The following PDE4A variants were observed in gnomAD, a reference collection of about 807,000 sequenced individuals.
PDE4A encodes phosphodiesterase 4A.
A neutral mutation model predicts 73.9 loss-of-function variants in PDE4A; 21 were observed. The observed-to-expected ratio is 0.28, with a 90% CI of 0.20 to 0.41. PDE4A has a LOEUF of 0.41. PDE4A is among the 10% of genes least tolerant of loss of function. The pLI is 1.00. For missense variants in PDE4A, 958 were observed against 1,211.4 expected, an observed-to-expected ratio of 0.79 and a Z score of 3.10; for synonymous variants, 463 against 505.4, an observed-to-expected ratio of 0.92 and a Z score of 1.13.
chr19:10,432,438 C>A lies in PDE4A; in HGVS notation c.320+11354C>A, dbSNP rs935011757. On this transcript the variant is annotated intron_variant, in intron 1 of 14. Coordinates refer to ENST00000380702, the MANE Select transcript of PDE4A (RefSeq NM_001111307.2). The stretch of plus-strand genomic sequence containing the variant: ...CCGACGACGGCGCTTGGCTCCCATG[C>A]GCTCCGGTGCAGCGCCCCGGGCCCG... 4.1e-6 allele frequency: 6 copies of A among 1,457,330 alleles called. 1 individual carries two copies. The highest frequency in any genetic ancestry group is 5.4e-6 in the Non-Finnish European group (6 of 1,107,044). The allele number at this position is 1,457,330 out of a possible 1,614,324, so 90.3% of individuals were successfully genotyped here.
Position 10,461,098 on chromosome 19 carries a change from A to C in PDE4A, c.1460A>C (p.Asn487Thr). The C allele has an allele frequency of 1.9e-6, 3 of 1,611,498 alleles. No homozygotes were observed. The highest frequency in any genetic ancestry group is 2.5e-6 in the Non-Finnish European group (3 of 1,178,046). Residue 487 changes from asparagine to threonine, a missense_variant, in exon 11 of 15, where the codon AAC becomes ACC. By Grantham distance (65) the Asn-to-Thr change is moderately conservative. Transcript: ENST00000380702. ...HPGVSNQFLI[N>T]TNSELALMYN... ...GGGGTCTCCAACCAGTTCCTCATCA[A>C]CACCAGTGAGTGGCCCTCGCCAGGG...
chr19:10,447,946 G>A (rs1353045211), intron 2 of PDE4A, among the ~76,000 whole-genome samples: 2 of 151,884 alleles, frequency 1.3e-5, no homozygotes, highest in African/African-American at 4.8e-5. Context: ...CCCTCATCAA[G>A]CCCCGCCCTT....
chr19:10,421,156 C>G (rs1219414461), intron 1 of PDE4A, 72 bp downstream of exon 1: 9 of 1,337,860 alleles, frequency 6.7e-6, no homozygotes, highest in Admixed American at 8.3e-5. Flanking sequence ...AGCTGCCGGC[C>G]GCAGGGGGCG....
chr19:10,449,822 G>T (rs368722465), intron 4 of PDE4A, among the ~76,000 whole-genome samples: 1 of 151,942 alleles, frequency 6.6e-6, no homozygotes, highest in Admixed American at 6.6e-5. Flanking sequence ...ACAGCCAAGC[G>T]TGCTGGCTCA....
chr19:10,463,176 G>A (rs1419383500), intron 13 of PDE4A, among the ~76,000 whole-genome samples: 7 of 150,130 alleles, frequency 4.7e-5, no homozygotes, highest in African/African-American at 1.5e-4. Flanking sequence ...TGCAAACTCC[G>A]CCTCCTGGGC....
chr19:10,467,219 G>A lies in PDE4A; in HGVS notation c.2259G>A (p.Glu753=). The change falls in exon 15 of 15, where the codon GAG becomes GAA. Residue 753 remains glutamate, a synonymous_variant. Coordinates refer to ENST00000380702, the MANE Select transcript of PDE4A (RefSeq NM_001111307.2). Reference sequence around the variant, plus strand: ...CTCTGGATGCAACCATAGCCTGGGAGGCATCCCCGGCCCAGGAGTCGTTGG... The same window carrying A: ...CTCTGGATGCAACCATAGCCTGGGAAGCATCCCCGGCCCAGGAGTCGTTGG... The part of the protein sequence containing the change: ...EEALDATIAW[E]ASPAQESLEV... 2 of 1,614,156 alleles carry A rather than the reference G, an allele frequency of 1.2e-6. No homozygotes were observed. Among genetic ancestry groups the A allele is most frequent in the African/African-American group, 1.3e-5 (1 of 75,034 alleles).
At chr19:10,440,114 A>G (rs1041512170) in intron 1 of PDE4A, among the ~76,000 whole-genome samples, 1 of 149,642 alleles carries the variant, frequency 6.7e-6, no homozygotes, top group Non-Finnish European at 1.5e-5. Flanking sequence ...CCTCCCAAGT[A>G]CCTGGGATTA....
intron 13 of PDE4A, among the ~76,000 whole-genome samples, chr19:10,462,597 C>T (rs919707419): frequency 2.0e-5 from 3 of 152,192 alleles, no homozygotes; most frequent in African/African-American, 7.2e-5. Flanking sequence ...GCTGGGATAG[C>T]TGGCGTGAGC....
intron 1 of PDE4A, among the ~76,000 whole-genome samples, chr19:10,429,739 A>G (rs889935811): frequency 1.3e-5 from 2 of 152,090 alleles, no homozygotes; most frequent in African/African-American, 4.8e-5. Context: ...ATTCTGTTCT[A>G]GGGTGTGAGA....
intron 1 of PDE4A, 87 bp downstream of exon 1, chr19:10,421,171 G>T: frequency 1.5e-6 from 2 of 1,338,146 alleles, no homozygotes; most frequent in South Asian, 3.9e-5. Context: ...GGGGCGCTAG[G>T]ATGCGGGTGG....
chr19:10,442,214 G>A (rs1162295295), intron 1 of PDE4A, among the ~76,000 whole-genome samples: 1 of 151,996 alleles, frequency 6.6e-6, no homozygotes, highest in Non-Finnish European at 1.5e-5. Context: ...TTACTGGAAT[G>A]GTCTCTCTAC....
At chr19:10,420,536 G>A (rs1039971270), upstream of PDE4A, 1 of 1,133,960 alleles carries the variant, frequency 8.8e-7, no homozygotes, top group South Asian at 4.5e-5. The surrounding 1 kb of genome is among the most constrained non-coding windows in gnomAD (Gnocchi z 6.0). Flanking sequence ...GCGGAGCGCG[G>A]AGAGCGCCGC....
intron 1 of PDE4A, among the ~76,000 whole-genome samples, chr19:10,428,388 G>T (rs1282229760): frequency 1.4e-5 from 2 of 137,940 alleles, no homozygotes; most frequent in Non-Finnish European, 3.2e-5. Context: ...GAGAGAGAGA[G>T]AGAGATATTG....
chr19:10,460,358 G>A (rs1360143831), intron 10 of PDE4A, among the ~76,000 whole-genome samples: 1 of 151,954 alleles, frequency 6.6e-6, no homozygotes, highest in African/African-American at 2.4e-5. Flanking sequence ...AATTAGCCGG[G>A]CGTGGTGGGG....
intron 1 of PDE4A, among the ~76,000 whole-genome samples, chr19:10,443,586 C>A (rs1192955758): frequency 2.0e-5 from 3 of 151,094 alleles, no homozygotes; most frequent in Non-Finnish European, 4.4e-5. Flanking sequence ...TGCTGGCGTA[C>A]ACCTGTAGTC....
In PDE4A at chr19:10,425,984, C is replaced by CAAAAAAA. The variant is rs1168197109; in HGVS notation, c.320+4923_320+4929dup. On this transcript the variant is annotated intron_variant, in intron 1 of 14. Transcript: ENST00000380702. The stretch of plus-strand genomic sequence containing the variant: ...TCTGGGCGAGAGACTGAGACCCTGT[C>CAAAAAAA]AAAAAAAAAAAAAAAAAAAAAAAAA... Among the ~76,000 whole-genome samples the CAAAAAAA allele has an allele frequency of 2.6e-3, 126 of 48,380 alleles. 8 individuals are homozygous for CAAAAAAA. Among genetic ancestry groups the CAAAAAAA allele is most frequent in the African/African-American group, 5.8e-3 (62 of 10,760 alleles). The allele number at this position is 48,380 out of a possible 152,430, so 31.7% of individuals were successfully genotyped here.
In PDE4A at chr19:10,454,888, C is replaced by T; in HGVS notation, c.843C>T (p.Asn281=). The T allele has an allele frequency of 6.2e-7, 1 of 1,614,110 alleles. No homozygotes were observed. The highest frequency in any genetic ancestry group is 8.5e-7 in the Non-Finnish European group (1 of 1,180,010). ...THLSEMSRSG[N]QVSEYISTTF... is the part of the protein sequence containing the mutation. Reference sequence around the variant, plus strand: ...TGTCAGAAATGAGCAGGTCCGGAAACCAGGTCTCAGAGTACATTTCCACAA... The same window carrying T: ...TGTCAGAAATGAGCAGGTCCGGAAATCAGGTCTCAGAGTACATTTCCACAA... The change falls in exon 7 of 15, where the codon AAC becomes AAT. Residue 281 remains asparagine, a synonymous_variant. Transcript: ENST00000380702.
upstream of PDE4A, chr19:10,417,825 A>G (rs1417608140): frequency 1.5e-5 from 23 of 1,558,548 alleles, no homozygotes; most frequent in African/African-American, 2.7e-5. Context: ...GCCGCTGCTG[A>G]TCCCACCGCG....
intron 1 of PDE4A, among the ~76,000 whole-genome samples, chr19:10,428,198 A>G (rs1182753455): frequency 2.0e-5 from 3 of 152,038 alleles, no homozygotes; most frequent in African/African-American, 7.3e-5. Context: ...GAAAAAGTAC[A>G]AAAAATTAGT....
Sources: gnomAD v4.1 joint callset for allele counts (sites outside exome capture counted in the v4.1 genomes callset) on GRCh38, gnomAD v4.1.1 for gene constraint, Gnocchi (gnomAD v3.1) non-coding constraint, MANE v1.5 for transcripts, NCBI Gene and HGNC (gene_info 2026-07-23, HGNC 2026-07-21) for gene names.